The following EGFR variants were observed in gnomAD, a reference collection of about 807,000 sequenced individuals.
The protein encoded by EGFR is avian erythroblastic leukemia viral (v-erb-b) oncogene homolog.
A neutral mutation model predicts 143.0 loss-of-function variants in EGFR; 58 were observed. The observed-to-expected ratio is 0.41, with a 90% CI of 0.33 to 0.50. EGFR has a LOEUF of 0.50. EGFR is among the 20% of genes least tolerant of loss of function. EGFR has a pLI of 0.39. For missense variants in EGFR, 1,307 were observed against 1,579.0 expected, an observed-to-expected ratio of 0.83 and a Z score of 2.92; for synonymous variants, 613 against 594.4, an observed-to-expected ratio of 1.03 and a Z score of -0.45.
rs17290169 is a variant in EGFR at position 55,165,396 on chromosome 7, C to T, written c.1839C>T (p.Ala613=). Residue 613 remains alanine, a synonymous_variant, in exon 15 of 28, where the codon GCC becomes GCT. Transcript: ENST00000275493. ...CCCTGGTCTGGAAGTACGCAGACGC[C>T]GGCCATGTGTGCCACCTGTGCCATC... ...NNTLVWKYAD[A]GHVCHLCHPN... The T allele has an allele frequency of 0.055, 88,333 of 1,614,052 alleles. 2,548 individuals are homozygous for T. The highest frequency in any genetic ancestry group is 0.09 in the Middle Eastern group (547 of 6,058).
chr7:55,203,764 T>C (rs1787979055), intron 27 of EGFR, among the ~76,000 whole-genome samples: 2 of 149,664 alleles, frequency 1.3e-5, no homozygotes, highest in Non-Finnish European at 3.0e-5. Flanking sequence ...ACACACCACA[T>C]ACACATATGT....
At chr7:55,111,710 G>T (rs1307199334) in intron 1 of EGFR, among the ~76,000 whole-genome samples, 2 of 152,148 alleles carry the variant, frequency 1.3e-5, no homozygotes, top group Non-Finnish European at 2.9e-5. Flanking sequence ...GGAGTGTTTG[G>T]ATGTTATGAT....
At chr7:55,155,984 C>T (rs756738261) in intron 8 of EGFR, 38 bp downstream of exon 8, 5 of 1,514,460 alleles carry the variant, frequency 3.3e-6, no homozygotes, top group Admixed American at 3.5e-5. Context: ...GGCTTGTTCT[C>T]GGCTGCTGAG....
intron 22 of EGFR, among the ~76,000 whole-genome samples, chr7:55,195,030 A>G (rs998309310): frequency 2.6e-5 from 4 of 152,330 alleles, no homozygotes; most frequent in Non-Finnish European, 4.4e-5. Flanking sequence ...TCTCCACCTA[A>G]CACTGGCTAT....
rs1395446390 is a variant in EGFR at position 55,209,147 on chromosome 7, A to G, written c.*3530A>G. ...AAGAAGGGGCCTGGAGTCTCTGCAG[A>G]CCAATTCAACCCAAATCTCGGGGGC... On this transcript the variant is annotated 3_prime_UTR_variant, in exon 28 of 28. Transcript: ENST00000275493. The G allele has an allele frequency of 6.6e-6, 1 of 151,832 alleles. No homozygotes were observed. Among genetic ancestry groups the G allele is most frequent in the African/African-American group, 2.4e-5 (1 of 41,278 alleles). 9.4% of individuals were successfully genotyped at this position (151,832 alleles called of 1,614,324 possible). A position where few individuals can be genotyped will look rare whatever the true frequency, so the allele number is the denominator to read the frequency against.
chr7:55,142,451 A>T lies in EGFR; in HGVS notation c.240+14A>T. The T allele has an allele frequency of 6.2e-7, 1 of 1,613,490 alleles. No homozygotes were observed. The highest frequency in any genetic ancestry group is 8.5e-7 in the Non-Finnish European group (1 of 1,179,976). On this transcript the variant is annotated intron_variant, in intron 2 of 27. Transcript: ENST00000275493. ...TCCTTCTTAAAGGTTGGTGACTTTG[A>T]TTTTCCTACACAAATAAAATTGGAG...
In EGFR at chr7:55,080,368, T is replaced by TAA. The variant is rs59060240; in HGVS notation, c.88+61015_88+61016dup. On this transcript the variant is annotated intron_variant, in intron 1 of 27. Transcript: ENST00000275493. ...TACACAATGGAATACTATTCAGTCT[T>TAA]AAAAAAAAAAAAAGAAGGAAATCCT... Among the ~76,000 whole-genome samples, 581 of 144,350 alleles carry TAA rather than the reference T, an allele frequency of 4.0e-3. 5 individuals are homozygous for TAA. The highest frequency in any genetic ancestry group is 0.013 in the African/African-American group (518 of 39,596). The allele number at this position is 144,350 out of a possible 152,430, so 94.7% of individuals were successfully genotyped here.
chr7:55,181,735 G>T (rs1011077357), intron 20 of EGFR: 4 of 554,904 alleles, frequency 7.2e-6, no homozygotes, highest in Non-Finnish European at 1.3e-5. Context: ...GCTCAGTGTG[G>T]TCTGATGTCT....
intron 1 of EGFR, among the ~76,000 whole-genome samples, chr7:55,134,835 T>A (rs1159392980): frequency 6.6e-6 from 1 of 152,204 alleles, no homozygotes; most frequent in Non-Finnish European, 1.5e-5. Context: ...TTTAGAGAGA[T>A]CTATGATTTC....
At position 55,175,642 on chromosome 7, in the gene EGFR, A is replaced by G. The variant is rs567211877; in HGVS notation, c.2283+822A>G. Among the ~76,000 whole-genome samples, 16 of 152,338 alleles carry G rather than the reference A, an allele frequency of 1.1e-4. No individual in the cohort carries two copies. The East Asian group carries it at 3.1e-3, about 29-fold the overall frequency. On this transcript the variant is annotated intron_variant, in intron 19 of 27. Transcript: ENST00000275493. ...TCAGGCAGCGGACTAGGGAAGCAGAATCGAGGAAAAGGAAAAATGGCTGAC... is the reference window on the plus strand; with the variant it reads ...TCAGGCAGCGGACTAGGGAAGCAGAGTCGAGGAAAAGGAAAAATGGCTGAC...
At chr7:55,204,725 CCACA>C (rs1214771811) in intron 27 of EGFR, among the ~76,000 whole-genome samples, 3 of 143,016 alleles carry the variant, frequency 2.1e-5, no homozygotes, top group South Asian at 2.3e-4. Flanking sequence ...CACACCCACA[CCACA>C]CACACACAAC....
chr7:55,115,072 G>A (rs1428487710), intron 1 of EGFR, among the ~76,000 whole-genome samples: 1 of 151,880 alleles, frequency 6.6e-6, no homozygotes, highest in African/African-American at 2.4e-5. Flanking sequence ...TAGTAGAGAC[G>A]GGGTTTCACC....
intron 1 of EGFR, among the ~76,000 whole-genome samples, chr7:55,123,120 A>G (rs1793309765): frequency 1.3e-5 from 2 of 152,256 alleles, no homozygotes; most frequent in African/African-American, 4.8e-5. Context: ...CAGGCTTGCT[A>G]TAGAAGATAT....
intron 1 of EGFR, among the ~76,000 whole-genome samples, chr7:55,055,601 A>G (rs1788759017): frequency 6.6e-6 from 1 of 152,146 alleles, no homozygotes; most frequent in Non-Finnish European, 1.5e-5. Flanking sequence ...TTTCTTCAAA[A>G]TATATGAGAT....
intron 1 of EGFR, among the ~76,000 whole-genome samples, chr7:55,020,506 GTC>G (rs1786490746): frequency 6.6e-6 from 1 of 151,694 alleles, no homozygotes; most frequent in African/African-American, 2.4e-5. Flanking sequence ...TTTCTTGGAT[GTC>G]TCTTTTTGCT....
chr7:55,209,540 C>T lies in EGFR; in HGVS notation c.*3923C>T, dbSNP rs1256165891. On this transcript the variant is annotated 3_prime_UTR_variant, in exon 28 of 28. Transcript: ENST00000275493. ...GTAGGCAACACCTGTTGAAATTGCC[C>T]TCAATGTCTACTCTGCATTTCTTTC... is the stretch of plus-strand genomic sequence containing the variant. 6.6e-6 allele frequency: 1 copy of T among 152,124 alleles called. No homozygotes were observed. The highest frequency in any genetic ancestry group is 1.5e-5 in the Non-Finnish European group (1 of 68,026). The allele number at this position is 152,124 out of a possible 1,614,324, so 9.4% of individuals were successfully genotyped here. A position where few individuals can be genotyped will look rare whatever the true frequency, so the allele number is the denominator to read the frequency against.
At chr7:55,201,911 C>T in intron 26 of EGFR, 129 bp downstream of exon 26, 1 of 1,127,310 alleles carries the variant, frequency 8.9e-7, no homozygotes, top group Non-Finnish European at 1.3e-6. Flanking sequence ...GTGGGTTTTT[C>T]CCTGCACGGC....
rs1788130117 is a variant in EGFR, at chr7:55,207,205, C to T, written c.*1588C>T. 8.6e-6 allele frequency: 2 copies of T among 232,918 alleles called. No individual in the cohort carries two copies. The highest frequency in any genetic ancestry group is 1.7e-5 in the Non-Finnish European group (2 of 117,942). 14.4% of individuals were successfully genotyped at this position (232,918 alleles called of 1,614,324 possible). A position where few individuals can be genotyped will look rare whatever the true frequency, so the allele number is the denominator to read the frequency against. ...CAGCCTACAGTTATGTTCAGTCACA[C>T]ACACATACAAAATGTTCCTTTTGCT... On this transcript the variant is annotated 3_prime_UTR_variant, in exon 28 of 28. Coordinates refer to ENST00000275493, the MANE Select transcript of EGFR (RefSeq NM_005228.5).
At chr7:55,075,793 T>A (rs912771768) in intron 1 of EGFR, among the ~76,000 whole-genome samples, 5 of 152,122 alleles carry the variant, frequency 3.3e-5, no homozygotes, top group African/African-American at 1.2e-4. Flanking sequence ...TTCAGTTGAT[T>A]TGTAAATAAG....
Sources: allele counts gnomAD v4.1 joint callset (sites outside exome capture counted in the v4.1 genomes callset), GRCh38; gene constraint gnomAD v4.1.1; transcripts MANE v1.5; gene names NCBI Gene and HGNC (gene_info 2026-07-23, HGNC 2026-07-21).